Variants in ERICH1 observed in about 807,000 individuals in gnomAD.
ERICH1 encodes the protein glutamate-rich protein 1.
Under a neutral mutation model 39.6 loss-of-function variants are expected in ERICH1, and 56 were observed. That is an observed-to-expected ratio of 1.41 (90% confidence interval 1.14 to 1.77). The LOEUF is 1.77. ERICH1 is among the 40% of genes most tolerant of loss of function. The pLI is 0.00. For missense variants in ERICH1, 826 were observed against 575.4 expected, an observed-to-expected ratio of 1.44 and a Z score of -4.45; for synonymous variants, 313 against 223.6, an observed-to-expected ratio of 1.40 and a Z score of -3.57.
chr8:719,281 C>T (rs1314465914), intron 1 of ERICH1, among the ~76,000 whole-genome samples: 4 of 152,258 alleles, frequency 2.6e-5, no homozygotes, highest in Non-Finnish European at 1.5e-5. Flanking sequence ...GATCCTGCCC[C>T]ATCCACCCTC....
chr8:722,419 A>G (rs997469587), intron 1 of ERICH1, among the ~76,000 whole-genome samples: 1 of 152,240 alleles, frequency 6.6e-6, no homozygotes, highest in Admixed American at 6.5e-5. Flanking sequence ...TATAATTCTC[A>G]GAAAGGACTG....
intron 2 of ERICH1, among the ~76,000 whole-genome samples, chr8:697,609 G>A (rs931711906): frequency 6.6e-6 from 1 of 152,158 alleles, no homozygotes; most frequent in African/African-American, 2.4e-5. Flanking sequence ...TGAGGGGTCA[G>A]GGCAGGTTCT....
chr8:647,169 G>A (rs1799527291), intron 3 of ERICH1, among the ~76,000 whole-genome samples: 1 of 68,150 alleles, frequency 1.5e-5, no homozygotes, highest in African/African-American at 3.8e-5. Flanking sequence ...TCAGAGACAC[G>A]TGGGGTCATC....
chr8:643,407 C>T (rs1259624294), intron 3 of ERICH1, among the ~76,000 whole-genome samples: 1 of 152,202 alleles, frequency 6.6e-6, no homozygotes, highest in African/African-American at 2.4e-5. Context: ...ATTCCAGCCT[C>T]TCCATGGCCC....
chr8:715,653 C>T lies in ERICH1; in HGVS notation c.169+208G>A, dbSNP rs539077522. On this transcript the variant is annotated intron_variant, in intron 2 of 5. Coordinates refer to ENST00000262109, the MANE Select transcript of ERICH1 (RefSeq NM_207332.3). ...AGTAAATGACCCCAAAAAGGCAGCA[C>T]CCTGACCTGGCCTTGGCTGGGGAGT... 2.4e-3 allele frequency among the ~76,000 whole-genome samples: 362 copies of T among 152,374 alleles called. 2 individuals carry two copies. The highest frequency in any genetic ancestry group is 8.5e-3 in the African/African-American group (352 of 41,590).
At chr8:655,227 C>T (rs977181506) in intron 3 of ERICH1, among the ~76,000 whole-genome samples, 1 of 152,218 alleles carries the variant, frequency 6.6e-6, no homozygotes, top group South Asian at 2.1e-4. Context: ...ACTTGGCTGT[C>T]TCTAGACAGG....
At chr8:615,979 C>G (rs184691831) in intron 3 of ERICH1, 20 of 152,738 alleles carry the variant, frequency 1.3e-4, no homozygotes, top group Admixed American at 1.3e-3. Flanking sequence ...ATGTAGATTG[C>G]CTTTTTCTTG....
chr8:717,486 C>T (rs570317741), intron 1 of ERICH1, among the ~76,000 whole-genome samples: 1 of 152,128 alleles, frequency 6.6e-6, no homozygotes, highest in Non-Finnish European at 1.5e-5. Context: ...AAGAAGGTTC[C>T]AAGACTTCAG....
chr8:697,694 C>T (rs888653339), intron 2 of ERICH1, among the ~76,000 whole-genome samples: 4 of 152,078 alleles, frequency 2.6e-5, no homozygotes, highest in African/African-American at 9.7e-5. Context: ...ACAGCCCCCG[C>T]CCCCGCCCCC....
At chr8:715,477 C>A (rs922977520) in intron 2 of ERICH1, among the ~76,000 whole-genome samples, 1 of 152,224 alleles carries the variant, frequency 6.6e-6, no homozygotes, top group African/African-American at 2.4e-5. Flanking sequence ...AGAAGCCTGT[C>A]CCTGAGTGGG....
At chr8:697,615 G>T (rs563617529) in intron 2 of ERICH1, among the ~76,000 whole-genome samples, 1 of 152,256 alleles carries the variant, frequency 6.6e-6, no homozygotes, top group Admixed American at 6.5e-5. Flanking sequence ...GTCAGGGCAG[G>T]TTCTACCAGC....
At chr8:641,104 G>A (rs1311131788) in intron 3 of ERICH1, 1 of 152,120 alleles carries the variant, frequency 6.6e-6, no homozygotes, top group Non-Finnish European at 1.5e-5. Context: ...TTCTGGAGGT[G>A]GTTACTTACC....
At chr8:622,874 C>G (rs893074437) in intron 3 of ERICH1, among the ~76,000 whole-genome samples, 2 of 152,010 alleles carry the variant, frequency 1.3e-5, no homozygotes, top group South Asian at 2.1e-4. Context: ...GGAAGGATTG[C>G]TTGAGCCCAG....
At chr8:708,681 G>GTTTTTTTTTTTGTTTTTTTTTTT (rs1813915702) in intron 2 of ERICH1, among the ~76,000 whole-genome samples, 1 of 65,778 alleles carries the variant, frequency 1.5e-5, no homozygotes, top group African/African-American at 5.7e-5. Flanking sequence ...GGGATAATGA[G>GTTTTTTTTTTTGTTTTTTTTTTT]TTTTTTTTTT....
intron 3 of ERICH1, among the ~76,000 whole-genome samples, chr8:683,993 G>A (rs1208763472): frequency 6.6e-6 from 1 of 152,144 alleles, no homozygotes. Flanking sequence ...TCAAGAAATT[G>A]TTCTTATGTT....
At chr8:634,750 G>GTCCC (rs1798293442) in intron 3 of ERICH1, among the ~76,000 whole-genome samples, 1 of 152,224 alleles carries the variant, frequency 6.6e-6, no homozygotes, top group African/African-American at 2.4e-5. Context: ...CACGCGGGAT[G>GTCCC]ACCTTGGCGA....
At chr8:671,226 TCC>T (rs1384035430) in intron 4 of ERICH1, among the ~76,000 whole-genome samples, 3 of 122,636 alleles carry the variant, frequency 2.4e-5, no homozygotes, top group Non-Finnish European at 3.3e-5. Context: ...TGCCCACTGG[TCC>T]CCAGGCTCTG....
chr8:620,359 G>C (rs1289388630), intron 3 of ERICH1, among the ~76,000 whole-genome samples: 2 of 152,024 alleles, frequency 1.3e-5, no homozygotes, highest in South Asian at 2.1e-4. Flanking sequence ...CATAATGTTA[G>C]ATATAAACCT....
At chr8:696,543 A>T (rs1473745655) in intron 2 of ERICH1, among the ~76,000 whole-genome samples, 2 of 13,206 alleles carry the variant, frequency 1.5e-4, no homozygotes, top group Non-Finnish European at 1.2e-4. Flanking sequence ...CGCGCTCCTC[A>T]CACCCTCCCT....
Sources: gnomAD v4.1 joint callset for allele counts (sites outside exome capture counted in the v4.1 genomes callset) on GRCh38, gnomAD v4.1.1 for gene constraint, MANE v1.5 for transcripts, NCBI Gene and HGNC (gene_info 2026-07-23, HGNC 2026-07-21) for gene names.